CDC42BPA: variants seen among roughly 807,000 people sequenced by gnomAD.
CDC42BPA encodes the protein CDC42 binding protein kinase alpha, also known as serine/threonine-protein kinase MRCK alpha.
A neutral mutation model predicts 223.5 loss-of-function variants in CDC42BPA; 80 were observed. That is an observed-to-expected ratio of 0.36 (90% CI 0.30 to 0.43). The LOEUF (loss-of-function observed/expected upper bound fraction) is 0.43. Ranked by LOEUF, CDC42BPA falls within the 20% of genes least tolerant of loss-of-function variation. The pLI is 1.00. For synonymous variants in CDC42BPA, 694 were observed against 718.6 expected (o/e 0.97, Z 0.55); for missense variants, 1,743 against 2,099.9 (o/e 0.83, Z 3.32).
intron 8 of CDC42BPA, among the ~76,000 whole-genome samples, chr1:227,145,245 C>T (rs1042138751): frequency 6.6e-6 from 1 of 152,102 alleles, no homozygotes; most frequent in Non-Finnish European, 1.5e-5. Flanking sequence ...AATGGCATAA[C>T]TTATCTAAGA....
At chr1:227,258,992 T>C (rs1683586732) in intron 1 of CDC42BPA, among the ~76,000 whole-genome samples, 1 of 151,176 alleles carries the variant, frequency 6.6e-6, no homozygotes, top group African/African-American at 2.5e-5. Context: ...ATAAATGACA[T>C]GCTATTCTGA....
At chr1:227,284,865 G>A (rs1024136435) in intron 1 of CDC42BPA, among the ~76,000 whole-genome samples, 2 of 151,932 alleles carry the variant, frequency 1.3e-5, no homozygotes, top group Non-Finnish European at 2.9e-5. Flanking sequence ...AGGAGGCTGA[G>A]GTGGGAAGAT....
chr1:227,297,587 T>C (rs534425481), intron 1 of CDC42BPA, among the ~76,000 whole-genome samples: 37 of 152,284 alleles, frequency 2.4e-4, no homozygotes, highest in African/African-American at 7.2e-4. Flanking sequence ...AGCCATACAA[T>C]GGAATATTAT....
At chr1:227,177,618 C>T (rs927324754) in intron 5 of CDC42BPA, among the ~76,000 whole-genome samples, 30 of 152,062 alleles carry the variant, frequency 2.0e-4, no homozygotes, top group Middle Eastern at 3.4e-3. Flanking sequence ...AATTTTCTTC[C>T]GTGGGGTGGA....
At chr1:227,295,907 G>A (rs1042546780) in intron 1 of CDC42BPA, among the ~76,000 whole-genome samples, 22 of 152,202 alleles carry the variant, frequency 1.4e-4, no homozygotes, top group Admixed American at 3.9e-4. Context: ...AACTACTGAC[G>A]TGACCACACC....
Position 227,155,094 on chromosome 1 carries a change from G to A in CDC42BPA, c.693+5449C>T, listed in dbSNP as rs1209184522. 2.0e-5 allele frequency among the ~76,000 whole-genome samples: 3 copies of A among 152,246 alleles called. No homozygotes were observed. In the East Asian group the frequency reaches 5.8e-4, roughly 29 times the overall value. On this transcript the variant is annotated intron_variant, in intron 6 of 36. Transcript: ENST00000366766. ...AAAGTCACAAACTTGGGAAAAGCTC[G>A]TAGATTTGAGGCAGCTGTCCAGATA...
chr1:226,994,760 A>T lies in CDC42BPA; in HGVS notation c.5133+63T>A. The T allele has an allele frequency of 6.7e-7, 1 of 1,491,218 alleles. No homozygotes were observed. The highest frequency in any genetic ancestry group is 1.3e-5 in the South Asian group (1 of 77,474). 92.4% of individuals were successfully genotyped at this position (1,491,218 alleles called of 1,614,324 possible). On this transcript the variant is annotated intron_variant, in intron 36 of 36. Transcript: ENST00000366766. This position sits in a 1 kb window ranked among gnomAD's most constrained non-coding sequence, Gnocchi z 4.0. Reference sequence around the variant, plus strand: ...CTGAGGCCAATCCCAAGGTGGTGGGATTGCCTGGGAAGATGCCCTAGTCTT... The same window carrying T: ...CTGAGGCCAATCCCAAGGTGGTGGGTTTGCCTGGGAAGATGCCCTAGTCTT...
chr1:227,014,940 A>G (rs1032417293), intron 34 of CDC42BPA, among the ~76,000 whole-genome samples: 4 of 152,188 alleles, frequency 2.6e-5, no homozygotes, highest in Non-Finnish European at 2.9e-5. Context: ...CATATTGTTA[A>G]AACAGAATAG....
chr1:227,145,745 G>A lies in CDC42BPA; in HGVS notation c.895-8C>T. On this transcript the variant is annotated splice_region_variant and splice_polypyrimidine_tract_variant and intron_variant, in intron 7 of 36. Coordinates refer to ENST00000366766, the MANE Select transcript of CDC42BPA (RefSeq NM_001394014.1). ...TGGAAACTGAAACCTCTCCTAAACA[G>A]AGAAAAACAGAAACAAAATATAAAT... The A allele has an allele frequency of 6.3e-7, 1 of 1,593,436 alleles. No homozygotes were observed. Among genetic ancestry groups the A allele is most frequent in the Non-Finnish European group, 8.6e-7 (1 of 1,169,360 alleles).
intron 2 of CDC42BPA, among the ~76,000 whole-genome samples, chr1:227,237,308 A>G (rs2148060973): frequency 6.6e-6 from 1 of 152,288 alleles, no homozygotes; most frequent in South Asian, 2.1e-4. Context: ...AAAAAATCAG[A>G]ACAAAAATAA....
At chr1:227,195,704 T>TACA (rs1553388383) in intron 4 of CDC42BPA, among the ~76,000 whole-genome samples, 1 of 151,864 alleles carries the variant, frequency 6.6e-6, no homozygotes, top group Non-Finnish European at 1.5e-5. Flanking sequence ...CCTATATTAT[T>TACA]ATATCATATT....
chr1:227,230,814 T>C (rs1191777592), intron 2 of CDC42BPA, among the ~76,000 whole-genome samples: 1 of 51,476 alleles, frequency 1.9e-5, no homozygotes, highest in Non-Finnish European at 3.6e-5. Flanking sequence ...TCTTTTTTCT[T>C]TCTTTCTTTT....
chr1:227,144,727 G>A (rs1353722304), intron 8 of CDC42BPA, among the ~76,000 whole-genome samples: 1 of 152,052 alleles, frequency 6.6e-6, no homozygotes, highest in Admixed American at 6.5e-5. Context: ...GTTTTGGCAT[G>A]GCTCACAAGT....
chr1:227,127,540 A>G (rs1656084251), intron 11 of CDC42BPA, among the ~76,000 whole-genome samples: 1 of 152,202 alleles, frequency 6.6e-6, no homozygotes, highest in South Asian at 2.1e-4. Flanking sequence ...CGAATCACTG[A>G]CCATTCTAGC....
chr1:227,205,223 C>A (rs1212877964), intron 3 of CDC42BPA, among the ~76,000 whole-genome samples: 2 of 144,112 alleles, frequency 1.4e-5, no homozygotes, highest in Admixed American at 7.1e-5. Flanking sequence ...GAGCCAAGAT[C>A]TAGCCACTGC....
intron 5 of CDC42BPA, among the ~76,000 whole-genome samples, chr1:227,165,078 A>C (rs1194300930): frequency 6.6e-6 from 1 of 152,186 alleles, no homozygotes; most frequent in Admixed American, 6.5e-5. Flanking sequence ...ATGCAATACT[A>C]TGCACTATAG....
chr1:227,190,062 C>T (rs956968080), intron 5 of CDC42BPA, among the ~76,000 whole-genome samples: 4 of 152,190 alleles, frequency 2.6e-5, no homozygotes, highest in South Asian at 2.1e-4. Context: ...TAATCTCCTA[C>T]TAAACTCAAC....
intron 20 of CDC42BPA, 135 bp downstream of exon 20, chr1:227,072,073 T>C (rs933611972): frequency 1.2e-4 from 64 of 543,220 alleles, no homozygotes; most frequent in Admixed American, 5.2e-4. Context: ...TATACACACG[T>C]ATATTCATAA....
intron 5 of CDC42BPA, among the ~76,000 whole-genome samples, chr1:227,187,762 G>A (rs1669072823): frequency 7.7e-6 from 1 of 129,836 alleles, no homozygotes; most frequent in African/African-American, 3.0e-5. Context: ...AAAAAACCCT[G>A]AAAGAAGCCA....
Sources: allele counts gnomAD v4.1 joint callset (sites outside exome capture counted in the v4.1 genomes callset), GRCh38; gene constraint gnomAD v4.1.1; non-coding constraint Gnocchi (gnomAD v3.1); transcripts MANE v1.5; gene names NCBI Gene and HGNC (gene_info 2026-07-23, HGNC 2026-07-21).